The following RBMS3 variants were observed in gnomAD, a reference collection of about 807,000 sequenced individuals.
The protein encoded by RBMS3 is RNA binding motif single stranded interacting protein 3, also known as RNA-binding motif, single-stranded-interacting protein 3.
Under a neutral mutation model 66.8 loss-of-function variants are expected in RBMS3, and 27 were observed. The ratio of observed to expected loss-of-function variants is 0.40; its 90% CI spans 0.30 to 0.56. The LOEUF (loss-of-function observed/expected upper bound fraction) is 0.56. Among genes scored for constraint, RBMS3 ranks in the 20% least tolerant of loss-of-function variants. RBMS3 has a pLI of 0.40. For synonymous variants in RBMS3, 188 were observed against 183.0 expected, an observed-to-expected ratio of 1.03 and a Z score of -0.22; for missense variants, 513 against 549.5, an observed-to-expected ratio of 0.93 and a Z score of 0.66.
intron 1 of RBMS3, among the ~76,000 whole-genome samples, chr3:29,398,241 T>C (rs1288256277): frequency 6.6e-6 from 1 of 152,190 alleles, no homozygotes; most frequent in East Asian, 1.9e-4. Context: ...TATATTGTCA[T>C]TGTGGCCAGC....
intron 8 of RBMS3, among the ~76,000 whole-genome samples, chr3:29,884,469 TCCCCCCCCGCTCC>T (rs2059819439): frequency 3.0e-5 from 2 of 66,332 alleles, no homozygotes; most frequent in African/African-American, 5.3e-5. Flanking sequence ...TCTCTCTCTC[TCCCCCCCCGCTCC>T]CTCCCTCCCT....
intron 1 of RBMS3, among the ~76,000 whole-genome samples, chr3:29,302,292 GTGA>G (rs2033730302): frequency 6.6e-6 from 1 of 151,956 alleles, no homozygotes; most frequent in African/African-American, 2.4e-5. Context: ...GATTACAGGC[GTGA>G]GCTACAGTGC....
chr3:29,338,670 C>A lies in RBMS3; in HGVS notation c.75+56914C>A, dbSNP rs9837340. Among the ~76,000 whole-genome samples, 1,249 of 150,480 alleles carry A rather than the reference C, an allele frequency of 8.3e-3. 18 individuals are homozygous for A. Among genetic ancestry groups the A allele is most frequent in the African/African-American group, 0.029 (1,181 of 41,154 alleles). On this transcript the variant is annotated intron_variant, in intron 1 of 14. Coordinates refer to ENST00000383767, the MANE Select transcript of RBMS3 (RefSeq NM_001003793.3). Reference sequence around the variant, plus strand: ...TATGCTGTCTAGGATTTCTCCTCTCCTCTCCTCCTCCTCTCCTCTCCTCTC... The same window carrying A: ...TATGCTGTCTAGGATTTCTCCTCTCATCTCCTCCTCCTCTCCTCTCCTCTC...
chr3:29,774,764 T>C (rs189074063), intron 6 of RBMS3, among the ~76,000 whole-genome samples: 8 of 152,182 alleles, frequency 5.3e-5, no homozygotes, highest in Admixed American at 4.6e-4. Context: ...TGGAAGCAAA[T>C]GTTAGAATCC....
At chr3:29,937,816 G>A (rs111428529) in intron 11 of RBMS3, among the ~76,000 whole-genome samples, 2,011 of 151,912 alleles carry the variant, frequency 0.013, 48 homozygotes, top group African/African-American at 0.044. Flanking sequence ...TATTTTGTGC[G>A]TTACTAATAA....
chr3:29,540,206 G>T (rs6763161), intron 3 of RBMS3, among the ~76,000 whole-genome samples: 3 of 151,978 alleles, frequency 2.0e-5, no homozygotes, highest in Non-Finnish European at 4.4e-5. Flanking sequence ...TATCTCATCT[G>T]TTCTTCAAAT....
chr3:29,434,134 C>A (rs531461521), intron 1 of RBMS3, among the ~76,000 whole-genome samples: 1 of 152,306 alleles, frequency 6.6e-6, no homozygotes, highest in South Asian at 2.1e-4. Context: ...AGAATGGTAG[C>A]TCCATCTTGC....
At chr3:29,497,351 G>T (rs181092986) in intron 3 of RBMS3, among the ~76,000 whole-genome samples, 1 of 152,238 alleles carries the variant, frequency 6.6e-6, no homozygotes, top group East Asian at 1.9e-4. Context: ...ATATAAAACA[G>T]CTTAAAAATA....
chr3:29,291,722 C>G (rs950397625), intron 1 of RBMS3, among the ~76,000 whole-genome samples: 9 of 151,650 alleles, frequency 5.9e-5, no homozygotes, highest in Admixed American at 1.3e-4. Context: ...GGTTATTTAC[C>G]TAGGATAATA....
At position 29,928,211 on chromosome 3, in the gene RBMS3, T is replaced by TATATATATACAC. The variant is rs1291440563; in HGVS notation, c.940-7874_940-7873insTATATATACACA. Among the ~76,000 whole-genome samples, 232 of 93,464 alleles carry TATATATATACAC rather than the reference T, an allele frequency of 2.5e-3. 1 individual carries two copies. The highest frequency in any genetic ancestry group is 7.5e-3 in the African/African-American group (176 of 23,618). The allele number at this position is 93,464 out of a possible 152,430, so 61.3% of individuals were successfully genotyped here. On this transcript the variant is annotated intron_variant, in intron 10 of 14. Coordinates refer to ENST00000383767, the MANE Select transcript of RBMS3 (RefSeq NM_001003793.3). ...ATATATATATATATATATATATATA[T>TATATATATACAC]ACACACACACACACACACACACACA... is the stretch of plus-strand genomic sequence containing the variant.
At chr3:29,957,995 T>C (rs1696160782) in intron 12 of RBMS3, among the ~76,000 whole-genome samples, 1 of 152,142 alleles carries the variant, frequency 6.6e-6, no homozygotes, top group Non-Finnish European at 1.5e-5. Flanking sequence ...TTCTTTTTCA[T>C]TAATGAAATG....
At chr3:29,791,616 C>A (rs2149427811) in intron 6 of RBMS3, among the ~76,000 whole-genome samples, 1 of 152,096 alleles carries the variant, frequency 6.6e-6, no homozygotes, top group Non-Finnish European at 1.5e-5. Context: ...GATTTTTTTA[C>A]CTTACACATA....
chr3:29,567,075 C>T lies in RBMS3; in HGVS notation c.308-20039C>T, dbSNP rs370282724. Among the ~76,000 whole-genome samples the T allele has an allele frequency of 3.9e-5, 6 of 152,170 alleles. No homozygotes were observed. The East Asian group carries it at 7.7e-4, about 20-fold the overall frequency. ...TTTGTGATAAGCATACCACATAGAG[C>T]CCTCAGTGAATGTCATGATGTTAAA... On this transcript the variant is annotated intron_variant, in intron 3 of 14. Coordinates refer to ENST00000383767, the MANE Select transcript of RBMS3 (RefSeq NM_001003793.3).
chr3:29,281,893 C>T (rs1168834117), intron 1 of RBMS3, 137 bp downstream of exon 1: 4 of 694,896 alleles, frequency 5.8e-6, no homozygotes, highest in Admixed American at 6.3e-5. Context: ...AGTGACATAC[C>T]AATGGAGTTA....
intron 1 of RBMS3, among the ~76,000 whole-genome samples, chr3:29,332,009 A>G (rs1367081061): frequency 1.3e-5 from 2 of 151,844 alleles, no homozygotes; most frequent in Non-Finnish European, 2.9e-5. Flanking sequence ...CTGACAAGCA[A>G]CTCACATGGT....
chr3:29,464,594 G>A (rs987963328), intron 2 of RBMS3, among the ~76,000 whole-genome samples: 5 of 152,092 alleles, frequency 3.3e-5, no homozygotes, highest in Admixed American at 2.6e-4. Context: ...AATTTCTGTG[G>A]CATTTGGTAT....
chr3:29,824,681 G>A (rs1030368465), intron 6 of RBMS3, among the ~76,000 whole-genome samples: 1 of 152,100 alleles, frequency 6.6e-6, no homozygotes, highest in Non-Finnish European at 1.5e-5. Flanking sequence ...TCTACTGATG[G>A]TGAGGGTTAT....
intron 5 of RBMS3, 52 bp downstream of exon 5, chr3:29,739,929 A>G: frequency 5.2e-6 from 7 of 1,345,554 alleles, no homozygotes; most frequent in Non-Finnish European, 6.8e-6. Context: ...TTCCTTTTAA[A>G]TTCCATTCCT....
intron 12 of RBMS3, among the ~76,000 whole-genome samples, chr3:29,972,860 AAAC>A (rs1697314689): frequency 6.6e-6 from 1 of 152,098 alleles, no homozygotes; most frequent in South Asian, 2.1e-4. Flanking sequence ...CTTAAATAGA[AAAC>A]AACAAAGCTT....
Sources: gnomAD v4.1 joint callset for allele counts (sites outside exome capture counted in the v4.1 genomes callset) on GRCh38, gnomAD v4.1.1 for gene constraint, MANE v1.5 for transcripts, NCBI Gene and HGNC (gene_info 2026-07-23, HGNC 2026-07-21) for gene names.